The following SDHC variants were observed in gnomAD, a reference collection of about 807,000 sequenced individuals.
SDHC encodes succinate dehydrogenase cytochrome b560 subunit, mitochondrial.
SDHC carries 11 observed loss-of-function variants against 22.6 expected under a neutral mutation model. The observed-to-expected ratio is 0.49, with a 90% confidence interval of 0.31 to 0.81. SDHC has a LOEUF of 0.81. SDHC is among the 30% of genes least tolerant of loss of function. The probability of loss-of-function intolerance (pLI) is 0.05; values close to 1 mark genes in which losing one functional copy is unlikely to be tolerated. For synonymous variants in SDHC, 80 were observed against 77.8 expected (o/e 1.03, Z -0.15); for missense variants, 160 against 212.0 (o/e 0.75, Z 1.52).
intron 3 of SDHC, among the ~76,000 whole-genome samples, chr1:161,330,996 CAA>C (rs61295520): frequency 0.01 from 1,057 of 102,196 alleles, 22 homozygotes; most frequent in African/African-American, 0.03. Flanking sequence ...GCTCTGTTTC[CAA>C]AAAAAAAAAA....
intron 4 of SDHC, among the ~76,000 whole-genome samples, chr1:161,351,444 TTAAA>T (rs1436231664): frequency 3.3e-5 from 5 of 152,354 alleles, no homozygotes; most frequent in African/African-American, 1.2e-4. Context: ...ATTATAAAAA[TTAAA>T]TACTATATTT....
chr1:161,327,505 T>TG (rs34984327), intron 2 of SDHC, among the ~76,000 whole-genome samples: 2 of 152,158 alleles, frequency 1.3e-5, no homozygotes, highest in African/African-American at 4.8e-5. Flanking sequence ...GTTAGAACCG[T>TG]GGGTTGTCAC....
chr1:161,319,037 T>C (rs1670737567), intron 1 of SDHC, among the ~76,000 whole-genome samples: 1 of 151,920 alleles, frequency 6.6e-6, no homozygotes, highest in Non-Finnish European at 1.5e-5. Context: ...AGAGCAAAAC[T>C]CCATTTCAAA....
intron 4 of SDHC, among the ~76,000 whole-genome samples, chr1:161,354,772 C>T (rs574856437): frequency 4.0e-5 from 6 of 150,866 alleles, no homozygotes; most frequent in East Asian, 2.0e-4. Flanking sequence ...TGCAGTGGTG[C>T]GATCTCAGCT....
At chr1:161,348,306 G>A (rs534006349) in intron 4 of SDHC, among the ~76,000 whole-genome samples, 1 of 151,840 alleles carries the variant, frequency 6.6e-6, no homozygotes, top group African/African-American at 2.4e-5. Context: ...CTACAGGCAT[G>A]TGTCACCATG....
intron 4 of SDHC, among the ~76,000 whole-genome samples, chr1:161,347,254 C>CT (rs1470233407): frequency 6.6e-6 from 1 of 152,072 alleles, no homozygotes; most frequent in African/African-American, 2.4e-5. Context: ...AGGTCTGTTT[C>CT]TTTTTTTCCT....
At chr1:161,340,996 A>G (rs1293287871) in intron 4 of SDHC, among the ~76,000 whole-genome samples, 2 of 152,164 alleles carry the variant, frequency 1.3e-5, no homozygotes, top group Admixed American at 1.3e-4. Context: ...GGCATGTGCC[A>G]CCACGCCTGG....
At chr1:161,340,384 G>T (rs1671676989) in intron 3 of SDHC, among the ~76,000 whole-genome samples, 1 of 151,198 alleles carries the variant, frequency 6.6e-6, no homozygotes, top group South Asian at 2.1e-4. Flanking sequence ...ACCTATTCAG[G>T]AGAATTGCTT....
At chr1:161,321,791 A>T (rs1180524894) in intron 1 of SDHC, among the ~76,000 whole-genome samples, 2 of 152,192 alleles carry the variant, frequency 1.3e-5, no homozygotes, top group Non-Finnish European at 2.9e-5. Flanking sequence ...GCTTTTTTAG[A>T]AGATCATTAG....
chr1:161,355,755 G>A (rs1571888461), intron 4 of SDHC, among the ~76,000 whole-genome samples: 1 of 152,218 alleles, frequency 6.6e-6, no homozygotes, highest in African/African-American at 2.4e-5. Flanking sequence ...AGGCTGAGGT[G>A]GGCGAATCAC....
intron 1 of SDHC, among the ~76,000 whole-genome samples, chr1:161,320,516 A>G (rs955100549): frequency 6.6e-6 from 1 of 152,166 alleles, no homozygotes; most frequent in Non-Finnish European, 1.5e-5. Flanking sequence ...GTTTGATCAC[A>G]TAGACTTGGC....
chr1:161,351,366 T>A (rs1336033462), intron 4 of SDHC, among the ~76,000 whole-genome samples: 1 of 152,204 alleles, frequency 6.6e-6, no homozygotes, highest in Non-Finnish European at 1.5e-5. Context: ...TCTTGAGAGA[T>A]CTTGTAGTTA....
intron 3 of SDHC, among the ~76,000 whole-genome samples, chr1:161,329,587 C>T (rs1276772766): frequency 1.3e-5 from 2 of 152,192 alleles, no homozygotes; most frequent in Non-Finnish European, 2.9e-5. Flanking sequence ...CCACCTCGGC[C>T]TCCCAAAGTG....
At chr1:161,359,946 ACT>A (rs1672439008) in intron 5 of SDHC, among the ~76,000 whole-genome samples, 1 of 151,642 alleles carries the variant, frequency 6.6e-6, no homozygotes, top group East Asian at 1.9e-4. Flanking sequence ...AAGCAAAACA[ACT>A]CTTTGTGGAA....
Position 161,314,480 on chromosome 1 carries a change from G to C in SDHC, c.20+55G>C, listed in dbSNP as rs1016067045. 329 of 1,596,600 alleles carry C rather than the reference G, an allele frequency of 2.1e-4. 2 individuals are homozygous for C. Among genetic ancestry groups the C allele is most frequent in the Middle Eastern group, 5.0e-4 (3 of 6,060 alleles). ...CTGCGGCCCTCCGGAGATCTGAACT[G>C]GCCCCTCACGTTTTGCTGATAACTG... On this transcript the variant is annotated intron_variant, in intron 1 of 5. Coordinates refer to ENST00000367975, the MANE Select transcript of SDHC (RefSeq NM_003001.5).
intron 4 of SDHC, among the ~76,000 whole-genome samples, chr1:161,356,384 C>A (rs987604956): frequency 8.5e-5 from 13 of 152,122 alleles, no homozygotes; most frequent in Middle Eastern, 3.4e-3. Context: ...ACTAAAAATA[C>A]AAAAATTAGC....
chr1:161,331,746 C>G (rs916886851), intron 3 of SDHC, among the ~76,000 whole-genome samples: 1 of 151,936 alleles, frequency 6.6e-6, no homozygotes, highest in Non-Finnish European at 1.5e-5. Context: ...CAGGCGCACA[C>G]CACCATACCT....
chr1:161,352,665 C>T (rs1299097816), intron 4 of SDHC, among the ~76,000 whole-genome samples: 2 of 152,176 alleles, frequency 1.3e-5, no homozygotes, highest in South Asian at 2.1e-4. Flanking sequence ...ATTTAACCCT[C>T]ATAATAATCT....
intron 3 of SDHC, chr1:161,339,608 A>C: frequency 2.6e-6 from 3 of 1,146,762 alleles, no homozygotes; most frequent in Non-Finnish European, 3.4e-6. Flanking sequence ...CTTCTCCATA[A>C]ATCAGTTTTC....
Sources: allele counts gnomAD v4.1 joint callset (sites outside exome capture counted in the v4.1 genomes callset), GRCh38; gene constraint gnomAD v4.1.1; transcripts MANE v1.5; gene names NCBI Gene and HGNC (gene_info 2026-07-23, HGNC 2026-07-21).